Variants in SLC24A3 observed in about 807,000 individuals in gnomAD.
SLC24A3 encodes the protein sodium/potassium/calcium exchanger 3.
A neutral mutation model predicts 75.8 loss-of-function variants in SLC24A3; 28 were observed. That is an observed-to-expected ratio of 0.37 (90% CI 0.27 to 0.51). The LOEUF (loss-of-function observed/expected upper bound fraction) is 0.51, where lower values mean the gene tolerates loss of function less well. Among genes scored for constraint, SLC24A3 ranks in the 20% least tolerant of loss-of-function variants. The pLI is 0.94. For missense variants in SLC24A3, 663 were observed against 847.8 expected (o/e 0.78, Z 2.71); for synonymous variants, 372 against 334.1 (o/e 1.11, Z -1.24).
At chr20:19,378,363 G>A (rs1003497746) in intron 2 of SLC24A3, among the ~76,000 whole-genome samples, 3 of 152,112 alleles carry the variant, frequency 2.0e-5, no homozygotes, top group Non-Finnish European at 4.4e-5. Context: ...GCCATCAGTG[G>A]ACAAAGCTAG....
At chr20:19,664,537 A>G in intron 7 of SLC24A3, among the ~76,000 whole-genome samples, 1 of 152,196 alleles carries the variant, frequency 6.6e-6, no homozygotes, top group East Asian at 1.9e-4. Flanking sequence ...GAGTTGCTTT[A>G]TGCGCTTTGT....
chr20:19,321,232 C>T (rs1379284088), intron 2 of SLC24A3, among the ~76,000 whole-genome samples: 1 of 152,164 alleles, frequency 6.6e-6, no homozygotes, highest in Non-Finnish European at 1.5e-5. Context: ...CTGCTCATAA[C>T]CACAGTGTCA....
At chr20:19,687,588 C>T (rs1052638695) in intron 12 of SLC24A3, among the ~76,000 whole-genome samples, 3 of 152,192 alleles carry the variant, frequency 2.0e-5, no homozygotes, top group East Asian at 1.9e-4. Context: ...ATTAAACAGT[C>T]GAGCCAGTGG....
intron 2 of SLC24A3, among the ~76,000 whole-genome samples, chr20:19,420,266 G>A (rs538881582): frequency 4.5e-4 from 21 of 46,490 alleles, no homozygotes; most frequent in African/African-American, 2.0e-3. Flanking sequence ...CTTTGCTATT[G>A]TGAATAGTGC....
chr20:19,689,290 C>CT (rs1453902607), intron 12 of SLC24A3, among the ~76,000 whole-genome samples: 2 of 152,172 alleles, frequency 1.3e-5, no homozygotes, highest in African/African-American at 4.8e-5. Flanking sequence ...TGTGCAATAA[C>CT]TTTTTCTCTC....
chr20:19,282,844 A>T (rs1187731013), intron 2 of SLC24A3, among the ~76,000 whole-genome samples: 1 of 152,176 alleles, frequency 6.6e-6, no homozygotes, highest in African/African-American at 2.4e-5. Flanking sequence ...AGCATTGCTC[A>T]CTGTATTGGG....
At chr20:19,700,087 AT>A (rs1428031056) in intron 15 of SLC24A3, among the ~76,000 whole-genome samples, 1 of 152,238 alleles carries the variant, frequency 6.6e-6, no homozygotes, top group East Asian at 1.9e-4. Flanking sequence ...CAAGGATTAA[AT>A]AACCAGGCCT....
chr20:19,483,656 T>C (rs1988089846), intron 2 of SLC24A3, among the ~76,000 whole-genome samples: 1 of 152,210 alleles, frequency 6.6e-6, no homozygotes, highest in African/African-American at 2.4e-5. Context: ...AAAAAGCTAC[T>C]GGATCTACAT....
At chr20:19,259,682 T>C (rs576889824) in intron 1 of SLC24A3, among the ~76,000 whole-genome samples, 29 of 152,338 alleles carry the variant, frequency 1.9e-4, no homozygotes, top group African/African-American at 7.0e-4. Context: ...TCAATATTAA[T>C]GTACCACTGA....
At chr20:19,307,259 C>T (rs564794082) in intron 2 of SLC24A3, among the ~76,000 whole-genome samples, 9 of 152,058 alleles carry the variant, frequency 5.9e-5, no homozygotes, top group Non-Finnish European at 1.0e-4. Context: ...TTTATAGTAC[C>T]GGGTGTGTGA....
intron 2 of SLC24A3, among the ~76,000 whole-genome samples, chr20:19,482,839 CAAG>C (rs1988077799): frequency 3.3e-5 from 5 of 152,192 alleles, no homozygotes; most frequent in African/African-American, 4.8e-5. Flanking sequence ...GAGGACACCA[CAAG>C]CACACGGTTC....
intron 2 of SLC24A3, among the ~76,000 whole-genome samples, chr20:19,384,795 C>G (rs998746746): frequency 3.3e-5 from 5 of 152,182 alleles, no homozygotes; most frequent in Non-Finnish European, 7.3e-5. Flanking sequence ...ATATCGCCAC[C>G]AAAAGTGTAG....
chr20:19,674,222 A>G (rs762156977), intron 9 of SLC24A3, among the ~76,000 whole-genome samples: 1 of 152,248 alleles, frequency 6.6e-6, no homozygotes, highest in Non-Finnish European at 1.5e-5. Context: ...GTGGACTTCC[A>G]TTATTTATAT....
At chr20:19,453,933 TC>T (rs1158661275) in intron 2 of SLC24A3, among the ~76,000 whole-genome samples, 1 of 152,180 alleles carries the variant, frequency 6.6e-6, no homozygotes, top group Non-Finnish European at 1.5e-5. Flanking sequence ...CGCAAAGTCT[TC>T]ATTTACTGCA....
At chr20:19,267,516 AT>A (rs774488662) in intron 1 of SLC24A3, among the ~76,000 whole-genome samples, 2 of 152,192 alleles carry the variant, frequency 1.3e-5, no homozygotes, top group East Asian at 1.9e-4. Context: ...ATAAAAATCC[AT>A]TTTTTTAAAA....
intron 3 of SLC24A3, among the ~76,000 whole-genome samples, chr20:19,573,328 G>A (rs1438277800): frequency 2.6e-5 from 4 of 152,166 alleles, no homozygotes; most frequent in African/African-American, 7.2e-5. Context: ...TTTAACCACT[G>A]TAGACAAAGT....
chr20:19,589,523 A>C (rs8126436), intron 6 of SLC24A3, among the ~76,000 whole-genome samples: 21,703 of 152,222 alleles, frequency 0.14, 1,692 homozygotes, highest in African/African-American at 0.2. Flanking sequence ...GTGGGGAAAT[A>C]TGAGTGAGCT....
intron 2 of SLC24A3, among the ~76,000 whole-genome samples, chr20:19,441,224 C>T (rs1013299685): frequency 2.6e-5 from 4 of 152,164 alleles, no homozygotes; most frequent in Admixed American, 6.5e-5. Context: ...CTGACAAACT[C>T]GGTGACCTTG....
chr20:19,369,618 T>A (rs1985957663), intron 2 of SLC24A3, among the ~76,000 whole-genome samples: 1 of 152,166 alleles, frequency 6.6e-6, no homozygotes, highest in Non-Finnish European at 1.5e-5. Context: ...AATTTCACAG[T>A]GATTATGAAA....
Sources: allele counts gnomAD v4.1 joint callset (sites outside exome capture counted in the v4.1 genomes callset), GRCh38; gene constraint gnomAD v4.1.1; transcripts MANE v1.5; gene names NCBI Gene and HGNC (gene_info 2026-07-23, HGNC 2026-07-21).